ARMC8: variants seen among roughly 807,000 people sequenced by gnomAD.
The protein encoded by ARMC8 is armadillo repeat-containing protein 8.
ARMC8 carries 20 observed loss-of-function variants against 99.3 expected under a neutral mutation model. That is an observed-to-expected ratio of 0.20 (90% confidence interval 0.14 to 0.29). The LOEUF is 0.29. ARMC8 is among the 10% of genes least tolerant of loss of function. The probability of loss-of-function intolerance (pLI) is 1.00; values close to 1 mark genes in which losing one functional copy is unlikely to be tolerated. For missense variants in ARMC8, 569 were observed against 809.5 expected, an observed-to-expected ratio of 0.70 and a Z score of 3.60; for synonymous variants, 263 against 278.3, an observed-to-expected ratio of 0.95 and a Z score of 0.55.
rs1322822907 is a variant in ARMC8 at position 138,297,830 on chromosome 3, A to C, written c.*1938A>C. The C allele has an allele frequency of 6.6e-6, 1 of 152,234 alleles. No homozygotes were observed. The highest frequency in any genetic ancestry group is 1.9e-4 in the East Asian group (1 of 5,204). 9.4% of individuals were successfully genotyped at this position (152,234 alleles called of 1,614,324 possible). On this transcript the variant is annotated 3_prime_UTR_variant, in exon 22 of 22. Transcript: ENST00000469044. ...AAAATATCCTTGGTTGGCATTTTTA[A>C]CACAAAACACTATAGTGTTGGTATT...
chr3:138,276,510 A>G (rs954573851), intron 18 of ARMC8, among the ~76,000 whole-genome samples: 1 of 152,228 alleles, frequency 6.6e-6, no homozygotes, highest in African/African-American at 2.4e-5. Context: ...CAGATTGGAA[A>G]GGACAGTATG....
chr3:138,275,383 C>T (rs886671567), intron 18 of ARMC8, among the ~76,000 whole-genome samples: 1 of 152,020 alleles, frequency 6.6e-6, no homozygotes, highest in Non-Finnish European at 1.5e-5. Context: ...CGGTGAAACC[C>T]CATCTCTACT....
At chr3:138,187,801 C>G (rs1180952307) in intron 1 of ARMC8, 2 of 569,906 alleles carry the variant, frequency 3.5e-6, no homozygotes, top group African/African-American at 3.9e-5. Context: ...ACGTTTCCAA[C>G]TCCGGGAGCT....
chr3:138,194,967 G>T (rs867240712), intron 1 of ARMC8, among the ~76,000 whole-genome samples: 2 of 152,094 alleles, frequency 1.3e-5, no homozygotes, highest in South Asian at 4.2e-4. Context: ...TCAGTAGGTG[G>T]TCCTAAAATA....
intron 11 of ARMC8, among the ~76,000 whole-genome samples, chr3:138,244,709 C>A (rs1013867466): frequency 6.6e-6 from 1 of 152,226 alleles, no homozygotes; most frequent in Non-Finnish European, 1.5e-5. Flanking sequence ...CTAGAGAAGT[C>A]CAGGTGTGCC....
chr3:138,221,319 C>A (rs2045380787), intron 2 of ARMC8, among the ~76,000 whole-genome samples: 1 of 151,796 alleles, frequency 6.6e-6, no homozygotes, highest in Non-Finnish European at 1.5e-5. Context: ...TAACAGCAGC[C>A]CAAAAAATGA....
chr3:138,223,332 C>T (rs2045508131), intron 3 of ARMC8, 57 bp from the exon 4 acceptor site: 2 of 1,560,042 alleles, frequency 1.3e-6, no homozygotes, highest in African/African-American at 1.4e-5. Flanking sequence ...TTTTTGGTCA[C>T]ATTGAGTCTT....
Position 138,245,083 on chromosome 3 carries a change from C to T in ARMC8, c.1039-5C>T, listed in dbSNP as rs2046821379. The T allele has an allele frequency of 6.2e-7, 1 of 1,611,646 alleles. No homozygotes were observed. Among genetic ancestry groups the T allele is most frequent in the Non-Finnish European group, 8.5e-7 (1 of 1,179,108 alleles). ...AGTTGGAACATATCCTTTTTTTCCC[C>T]ATAGCTTGATCATGATTTAAAACAT... is the stretch of plus-strand genomic sequence containing the variant. On this transcript the variant is annotated splice_polypyrimidine_tract_variant and splice_region_variant and intron_variant, in intron 11 of 21. Coordinates refer to ENST00000469044, the MANE Select transcript of ARMC8 (RefSeq NM_001363941.2).
chr3:138,194,456 G>A (rs1372187362), intron 1 of ARMC8, among the ~76,000 whole-genome samples: 23 of 150,116 alleles, frequency 1.5e-4, no homozygotes, highest in South Asian at 8.4e-4. Flanking sequence ...TCCTGCCTCA[G>A]CCTCCCGAGT....
intron 12 of ARMC8, among the ~76,000 whole-genome samples, chr3:138,255,112 G>A (rs1039157932): frequency 1.3e-5 from 2 of 151,858 alleles, no homozygotes; most frequent in African/African-American, 4.8e-5. Flanking sequence ...CTCTTAGATG[G>A]TGGGTTTTTT....
rs114752029 is a variant in ARMC8, at chr3:138,282,754, G to C, written c.1726-1677G>C. ...ATTCACTTGGTTCTGATGTCATCTT[G>C]AACTTGGACTCCTAAAACATTGACT... On this transcript the variant is annotated intron_variant, in intron 18 of 21. Transcript: ENST00000469044. 1.7e-3 allele frequency among the ~76,000 whole-genome samples: 262 copies of C among 151,900 alleles called. 1 individual carries two copies. Among genetic ancestry groups the C allele is most frequent in the African/African-American group, 5.9e-3 (245 of 41,406 alleles).
chr3:138,266,803 A>G (rs2048327170), intron 14 of ARMC8, among the ~76,000 whole-genome samples: 1 of 152,120 alleles, frequency 6.6e-6, no homozygotes, highest in African/African-American at 2.4e-5. Context: ...GTAGACTCAT[A>G]AGGGGCTTGA....
At chr3:138,294,530 CTT>C (rs2051283869) in intron 21 of ARMC8, among the ~76,000 whole-genome samples, 2 of 152,176 alleles carry the variant, frequency 1.3e-5, no homozygotes, top group African/African-American at 4.8e-5. Flanking sequence ...TCTTTAGAGT[CTT>C]ATATAATTGC....
At chr3:138,188,957 A>C (rs2043226373) in intron 1 of ARMC8, among the ~76,000 whole-genome samples, 1 of 152,186 alleles carries the variant, frequency 6.6e-6, no homozygotes, top group Non-Finnish European at 1.5e-5. Flanking sequence ...TCCATCACTG[A>C]CTGTAATACC....
intron 11 of ARMC8, among the ~76,000 whole-genome samples, chr3:138,243,640 T>C (rs1199937035): frequency 1.3e-5 from 2 of 152,150 alleles, no homozygotes; most frequent in African/African-American, 4.8e-5. Flanking sequence ...CCAAATTATA[T>C]ATATATGTAA....
At chr3:138,231,048 T>C (rs962495456) in intron 6 of ARMC8, among the ~76,000 whole-genome samples, 2 of 152,214 alleles carry the variant, frequency 1.3e-5, no homozygotes, top group African/African-American at 4.8e-5. Flanking sequence ...CACCTTTTAA[T>C]TGGATAAGTT....
intron 1 of ARMC8, among the ~76,000 whole-genome samples, chr3:138,199,223 G>A (rs940735971): frequency 6.6e-6 from 1 of 152,132 alleles, no homozygotes; most frequent in Non-Finnish European, 1.5e-5. Context: ...TACACAAGGG[G>A]TATAAAAGGA....
At chr3:138,203,274 A>C (rs1576600627) in intron 1 of ARMC8, among the ~76,000 whole-genome samples, 1 of 152,226 alleles carries the variant, frequency 6.6e-6, no homozygotes, top group African/African-American at 2.4e-5. Flanking sequence ...CCTATAAGTT[A>C]CCTATTGCTG....
intron 18 of ARMC8, among the ~76,000 whole-genome samples, chr3:138,278,982 T>C (rs931321600): frequency 6.6e-6 from 1 of 152,178 alleles, no homozygotes; most frequent in Non-Finnish European, 1.5e-5. Context: ...TAAATAAAAA[T>C]AGCTTTATTT....
Sources: allele counts gnomAD v4.1 joint callset (sites outside exome capture counted in the v4.1 genomes callset), GRCh38; gene constraint gnomAD v4.1.1; transcripts MANE v1.5; gene names NCBI Gene and HGNC (gene_info 2026-07-23, HGNC 2026-07-21).